Variants in THSD7A observed in about 807,000 individuals in gnomAD.
The protein encoded by THSD7A is thrombospondin type-1 domain-containing protein 7A.
A neutral mutation model predicts 231.3 loss-of-function variants in THSD7A; 96 were observed. The observed-to-expected ratio is 0.41, with a 90% CI of 0.35 to 0.49. The LOEUF (loss-of-function observed/expected upper bound fraction) is 0.49, where lower values mean the gene tolerates loss of function less well. Among genes scored for constraint, THSD7A ranks in the 20% least tolerant of loss-of-function variants. The pLI, the probability that THSD7A is intolerant of heterozygous loss-of-function variation, is 0.05. For synonymous variants in THSD7A, 940 were observed against 743.3 expected (o/e 1.26, Z -4.30); for missense variants, 2,290 against 2,070.2 (o/e 1.11, Z -2.06).
chr7:11,690,710 G>C (rs75296166), intron 1 of THSD7A, among the ~76,000 whole-genome samples: 8,270 of 151,712 alleles, frequency 0.055, 311 homozygotes, highest in Non-Finnish European at 0.075. Flanking sequence ...ATACTTTCTC[G>C]AATTTCCTCC....
intron 11 of THSD7A, among the ~76,000 whole-genome samples, chr7:11,456,918 A>G (rs1007694728): frequency 6.6e-6 from 1 of 152,094 alleles, no homozygotes; most frequent in Admixed American, 6.6e-5. Context: ...AAAGTTAGCT[A>G]TCTCATATCT....
In THSD7A at chr7:11,541,453, C is replaced by T. The variant is rs61996276; in HGVS notation, c.1788G>A (p.Thr596=). The change falls in exon 6 of 28, where the codon ACG becomes ACA. Residue 596 remains threonine, a synonymous_variant. Transcript: ENST00000423059. ...PDNGKECGPG[T]QVQEVVCINS... ...TGATGCACACAACCTCTTGAACTTGCGTGCCTGGACCACACTCCTTTCCGT... is the reference window on the plus strand; with the variant it reads ...TGATGCACACAACCTCTTGAACTTGTGTGCCTGGACCACACTCCTTTCCGT... The T allele has an allele frequency of 3.3e-4, 540 of 1,613,916 alleles. 2 individuals carry two copies. In the African/African-American group the frequency reaches 6.3e-3, roughly 19 times the overall value.
At chr7:11,387,570 CTT>C (rs1175436561) in intron 23 of THSD7A, among the ~76,000 whole-genome samples, 5 of 152,162 alleles carry the variant, frequency 3.3e-5, no homozygotes, top group African/African-American at 7.2e-5. Context: ...TATCCTGAGA[CTT>C]TGCTGAAGTT....
chr7:11,412,759 G>C lies in THSD7A; in HGVS notation c.3579C>G (p.Pro1193=). 1.2e-6 allele frequency: 2 copies of C among 1,613,502 alleles called. No individual in the cohort carries two copies. The highest frequency in any genetic ancestry group is 1.7e-6 in the Non-Finnish European group (2 of 1,179,656). The change falls in exon 18 of 28, where the codon CCC becomes CCG. Residue 1193 remains proline (P), a synonymous_variant. Coordinates refer to ENST00000423059, the MANE Select transcript of THSD7A (RefSeq NM_015204.3). ...QSSFRQRSAD[P]IRQPADEGRS... ...TTCCTTCATCAGCTGGTTGTCTGAT[G>C]GGATCAGCTGACCTTTGCCGGAAAC...
chr7:11,654,014 T>A (rs535714806), intron 1 of THSD7A, among the ~76,000 whole-genome samples: 1 of 152,016 alleles, frequency 6.6e-6, no homozygotes, highest in East Asian at 1.9e-4. Context: ...CACTGAACAT[T>A]GAGGAGAAGA....
At chr7:11,734,530 C>G (rs559937131) in intron 1 of THSD7A, among the ~76,000 whole-genome samples, 1 of 151,926 alleles carries the variant, frequency 6.6e-6, no homozygotes, top group Non-Finnish European at 1.5e-5. Flanking sequence ...TAATTTTTAA[C>G]TATCCAATAA....
At chr7:11,701,614 T>A (rs1780603236) in intron 1 of THSD7A, among the ~76,000 whole-genome samples, 1 of 151,110 alleles carries the variant, frequency 6.6e-6, no homozygotes, top group Non-Finnish European at 1.5e-5. Context: ...AATTTAGTGT[T>A]CAAATAAATA....
intron 2 of THSD7A, among the ~76,000 whole-genome samples, chr7:11,606,010 T>G (rs1780722090): frequency 1.3e-5 from 2 of 152,140 alleles, no homozygotes; most frequent in African/African-American, 4.8e-5. Flanking sequence ...CAATTTTAGT[T>G]TCCTGCCTTT....
chr7:11,654,337 G>C (rs1156944873), intron 1 of THSD7A, among the ~76,000 whole-genome samples: 1 of 151,910 alleles, frequency 6.6e-6, no homozygotes, highest in Non-Finnish European at 1.5e-5. Context: ...CTGATGAAAG[G>C]ATGTGCTATT....
rs369327564 is a variant in THSD7A at position 11,456,559 on chromosome 7, A to G, written c.2605+4103T>C. On this transcript the variant is annotated intron_variant, in intron 11 of 27. Coordinates refer to ENST00000423059, the MANE Select transcript of THSD7A (RefSeq NM_015204.3). ...TTTCTGATCCTATTGGGTAATGACT[A>G]TTCAGTATTATTAGAAGTTCTGACT... Among the ~76,000 whole-genome samples, 200 of 152,146 alleles carry G rather than the reference A, an allele frequency of 1.3e-3. 1 individual carries two copies. The highest frequency in any genetic ancestry group is 0.01 in the Middle Eastern group (3 of 294).
chr7:11,792,603 T>C (rs1355403453), intron 1 of THSD7A, among the ~76,000 whole-genome samples: 1 of 151,954 alleles, frequency 6.6e-6, no homozygotes. Flanking sequence ...GCAGAGTGAA[T>C]GTAATGTCTT....
intron 17 of THSD7A, 55 bp from the exon 18 acceptor site, chr7:11,412,855 G>GT: frequency 3.2e-6 from 5 of 1,564,724 alleles, no homozygotes; most frequent in Non-Finnish European, 4.3e-6. Context: ...TACACAACTG[G>GT]TATATTAGAG....
At chr7:11,465,337 C>A (rs764844580) in intron 9 of THSD7A, among the ~76,000 whole-genome samples, 1 of 150,752 alleles carries the variant, frequency 6.6e-6, no homozygotes, top group African/African-American at 2.5e-5. Context: ...ATAACAAGTA[C>A]GCGAAAAATA....
rs553308500 is a variant in THSD7A at position 11,444,412 on chromosome 7, A to G, written c.3064+1649T>C. On this transcript the variant is annotated intron_variant, in intron 13 of 27. Transcript: ENST00000423059. This position sits in a 1 kb window ranked among gnomAD's most constrained non-coding sequence, Gnocchi z 4.2. ...CTCGGAACCAACCCAAATGCTCATCAATGATATACTGGATAAAGAAAATGT... is the reference window on the plus strand; with the variant it reads ...CTCGGAACCAACCCAAATGCTCATCGATGATATACTGGATAAAGAAAATGT... Among the ~76,000 whole-genome samples, 4 of 152,250 alleles carry G rather than the reference A, an allele frequency of 2.6e-5. No homozygotes were observed. In the East Asian group the frequency reaches 7.7e-4, roughly 29 times the overall value.
intron 6 of THSD7A, among the ~76,000 whole-genome samples, chr7:11,511,695 A>G (rs1009908444): frequency 3.9e-5 from 6 of 152,214 alleles, no homozygotes; most frequent in African/African-American, 9.6e-5. Flanking sequence ...AGGATTCCCT[A>G]TTTAATAAAT....
At chr7:11,611,630 T>C (rs1008474580) in intron 2 of THSD7A, among the ~76,000 whole-genome samples, 5 of 151,886 alleles carry the variant, frequency 3.3e-5, no homozygotes, top group African/African-American at 4.8e-5. Context: ...CTTATACTCA[T>C]GCATTCATAT....
chr7:11,586,541 C>T (rs901649591), intron 4 of THSD7A, among the ~76,000 whole-genome samples: 1 of 152,116 alleles, frequency 6.6e-6, no homozygotes, highest in Admixed American at 6.5e-5. Context: ...AGACACAGCA[C>T]AAGACTTCAA....
intron 1 of THSD7A, among the ~76,000 whole-genome samples, chr7:11,650,521 TA>T (rs779011924): frequency 1.3e-5 from 2 of 152,058 alleles, no homozygotes; most frequent in Non-Finnish European, 2.9e-5. Context: ...CATTGATCCA[TA>T]ACGAGCACAG....
At chr7:11,730,654 C>T (rs1781697315) in intron 1 of THSD7A, among the ~76,000 whole-genome samples, 1 of 151,602 alleles carries the variant, frequency 6.6e-6, no homozygotes, top group African/African-American at 2.4e-5. Flanking sequence ...AGTTATCCAC[C>T]TGTATACTGA....
Sources: allele counts gnomAD v4.1 joint callset (sites outside exome capture counted in the v4.1 genomes callset), GRCh38; gene constraint gnomAD v4.1.1; non-coding constraint Gnocchi (gnomAD v3.1); transcripts MANE v1.5; gene names NCBI Gene and HGNC (gene_info 2026-07-23, HGNC 2026-07-21).